Variants in EFCC1 observed in about 807,000 individuals in gnomAD.
The protein encoded by EFCC1 is EF-hand and coiled-coil domain-containing protein 1.
EFCC1 carries 50 observed loss-of-function variants against 52.1 expected under a neutral mutation model. The ratio of observed to expected loss-of-function variants is 0.96; its 90% CI spans 0.76 to 1.21. The LOEUF is 1.21. EFCC1 is among the 50% of genes most tolerant of loss of function. The probability of loss-of-function intolerance (pLI) is 0.00; values close to 1 mark genes in which losing one functional copy is unlikely to be tolerated. For synonymous variants in EFCC1, 399 were observed against 396.5 expected (o/e 1.01, Z -0.08); for missense variants, 837 against 867.3 (o/e 0.97, Z 0.44).
At chr3:129,008,157 C>T (rs939452197) in intron 2 of EFCC1, among the ~76,000 whole-genome samples, 11 of 152,232 alleles carry the variant, frequency 7.2e-5, no homozygotes, top group Non-Finnish European at 1.0e-4. Context: ...AGTTTCCTAG[C>T]TGCACAGGTA....
Position 129,030,691 on chromosome 3 carries a change from C to G in EFCC1, c.981-12C>G. ...CTCCTCCTCAATGCCTGTGTCTCTC[C>G]CACGGCTGCAGGTCAGAGGATTCCC... On this transcript the variant is annotated splice_polypyrimidine_tract_variant and intron_variant, in intron 2 of 7. Transcript: ENST00000683648. 1 of 1,550,492 alleles carries G rather than the reference C, an allele frequency of 6.4e-7. No homozygotes were observed. Among genetic ancestry groups the G allele is most frequent in the Non-Finnish European group, 8.7e-7 (1 of 1,146,244 alleles).
At chr3:129,022,353 G>A (rs922587202) in intron 2 of EFCC1, among the ~76,000 whole-genome samples, 1 of 152,224 alleles carries the variant, frequency 6.6e-6, no homozygotes, top group South Asian at 2.1e-4. Flanking sequence ...AGTCCTGAGG[G>A]TGGAACCCAG....
chr3:129,015,143 C>G (rs571498913), intron 2 of EFCC1, among the ~76,000 whole-genome samples: 7 of 152,320 alleles, frequency 4.6e-5, no homozygotes, highest in African/African-American at 1.7e-4. Flanking sequence ...TGGTGACCAT[C>G]ATGACTGTGA....
At chr3:129,024,186 T>C (rs1335572512) in intron 2 of EFCC1, among the ~76,000 whole-genome samples, 1 of 152,148 alleles carries the variant, frequency 6.6e-6, no homozygotes, top group Non-Finnish European at 1.5e-5. Flanking sequence ...CTTATTCATA[T>C]TTATTTGTTC....
rs1187748863 is a variant in EFCC1, at chr3:129,001,854, C to A, written c.226C>A (p.Arg76Ser). The change falls in exon 1 of 8, where the codon CGC (arginine) becomes AGC (serine). Residue 76 changes from arginine to serine, a missense_variant. Arg to Ser is a moderately radical substitution (Grantham distance 110). Coordinates refer to ENST00000683648, the MANE Select transcript of EFCC1 (RefSeq NM_001377500.1). ...LDCRGAGRLP[R>S]ADFRALCAVL... Reference sequence around the variant, plus strand: ...CTGCCGCGGCGCCGGCCGTCTGCCCCGCGCCGACTTCCGAGCGCTCTGCGC... The same window carrying A: ...CTGCCGCGGCGCCGGCCGTCTGCCCAGCGCCGACTTCCGAGCGCTCTGCGC... 6.5e-7 allele frequency: 1 copy of A among 1,546,198 alleles called. No individual in the cohort carries two copies. The highest frequency in any genetic ancestry group is 8.7e-7 in the Non-Finnish European group (1 of 1,145,644).
chr3:129,006,754 G>C (rs1302848517), intron 2 of EFCC1, among the ~76,000 whole-genome samples: 1 of 152,168 alleles, frequency 6.6e-6, no homozygotes, highest in Non-Finnish European at 1.5e-5. Context: ...TAGGCAGATG[G>C]CTGTGTCACT....
At chr3:129,008,291 C>T (rs1945164038) in intron 2 of EFCC1, among the ~76,000 whole-genome samples, 1 of 152,234 alleles carries the variant, frequency 6.6e-6, no homozygotes, top group Non-Finnish European at 1.5e-5. Context: ...GAGTCTCCTT[C>T]TGTAACTCAC....
chr3:129,018,865 C>T (rs762622163), intron 2 of EFCC1, among the ~76,000 whole-genome samples: 1 of 152,228 alleles, frequency 6.6e-6, no homozygotes, highest in Non-Finnish European at 1.5e-5. Flanking sequence ...TCTGACTCCC[C>T]ACTCGGCGCT....
intron 2 of EFCC1, among the ~76,000 whole-genome samples, chr3:129,005,756 C>A (rs976017359): frequency 4.6e-5 from 7 of 152,238 alleles, no homozygotes; most frequent in African/African-American, 1.7e-4. Flanking sequence ...AGGCATGGGG[C>A]TAGAGGGAGG....
intron 2 of EFCC1, among the ~76,000 whole-genome samples, chr3:129,019,188 T>C (rs955342758): frequency 2.6e-5 from 4 of 152,268 alleles, no homozygotes; most frequent in Non-Finnish European, 4.4e-5. Context: ...TTTTTGCCTT[T>C]GAATTCTTGA....
intron 2 of EFCC1, among the ~76,000 whole-genome samples, chr3:129,004,368 A>ACCCCCCCCCCCCCCCCCCCCCC (rs1428229958): frequency 2.2e-5 from 1 of 44,586 alleles, no homozygotes. Flanking sequence ...CCATTCACTC[A>ACCCCCCCCCCCCCCCCCCCCCC]CCCCCCCCAC....
chr3:129,023,728 G>C (rs1041687911), intron 2 of EFCC1, among the ~76,000 whole-genome samples: 1 of 152,196 alleles, frequency 6.6e-6, no homozygotes, highest in Non-Finnish European at 1.5e-5. Flanking sequence ...CATAAAATAT[G>C]TATTAGTAAA....
chr3:129,015,563 G>T (rs1214730234), intron 2 of EFCC1, among the ~76,000 whole-genome samples: 1 of 151,958 alleles, frequency 6.6e-6, no homozygotes, highest in Non-Finnish European at 1.5e-5. Flanking sequence ...AAGTCACCCA[G>T]CCCAGGCTGA....
rs141039949 is a variant in EFCC1, at chr3:129,021,313, C to T, written c.981-9390C>T. Reference sequence around the variant, plus strand: ...ATATACAAAGGGTTTTCCAAGAATCCGATGCTGTGTGAGTTGAGGGAAGGT... The same window carrying T: ...ATATACAAAGGGTTTTCCAAGAATCTGATGCTGTGTGAGTTGAGGGAAGGT... On this transcript the variant is annotated intron_variant, in intron 2 of 7. Coordinates refer to ENST00000683648, the MANE Select transcript of EFCC1 (RefSeq NM_001377500.1). 8.7e-3 allele frequency among the ~76,000 whole-genome samples: 1,317 copies of T among 152,248 alleles called. 14 individuals are homozygous for T. Among genetic ancestry groups the T allele is most frequent in the Non-Finnish European group, 0.012 (834 of 68,026 alleles).
At chr3:129,022,705 A>G (rs1046009956) in intron 2 of EFCC1, among the ~76,000 whole-genome samples, 1 of 152,200 alleles carries the variant, frequency 6.6e-6, no homozygotes, top group Non-Finnish European at 1.5e-5. Context: ...CTTTCCCCAG[A>G]ACTGCCTGGA....
chr3:129,011,635 G>A (rs2107881224), intron 2 of EFCC1, among the ~76,000 whole-genome samples: 1 of 152,298 alleles, frequency 6.6e-6, no homozygotes, highest in East Asian at 1.9e-4. Context: ...GGATCACAAA[G>A]GGGCAGGCCT....
At chr3:129,023,953 G>A (rs1347522554) in intron 2 of EFCC1, among the ~76,000 whole-genome samples, 1 of 152,152 alleles carries the variant, frequency 6.6e-6, no homozygotes, top group Admixed American at 6.5e-5. Context: ...CCAAGAGCAG[G>A]TGAATAGGTG....
intron 2 of EFCC1, among the ~76,000 whole-genome samples, chr3:129,016,270 C>T (rs1233576465): frequency 6.6e-6 from 1 of 152,116 alleles, no homozygotes; most frequent in Non-Finnish European, 1.5e-5. Flanking sequence ...GGGACATTAT[C>T]CTGGCTGGTC....
chr3:129,016,329 C>T (rs558377067), intron 2 of EFCC1, among the ~76,000 whole-genome samples: 4 of 152,264 alleles, frequency 2.6e-5, no homozygotes, highest in South Asian at 4.1e-4. Flanking sequence ...AGAGAAGTTC[C>T]ACCTGTGGAC....
Sources: gnomAD v4.1 joint callset for allele counts (sites outside exome capture counted in the v4.1 genomes callset) on GRCh38, gnomAD v4.1.1 for gene constraint, MANE v1.5 for transcripts, NCBI Gene and HGNC (gene_info 2026-07-23, HGNC 2026-07-21) for gene names.